HCN1: variants seen among roughly 807,000 people sequenced by gnomAD.
The protein encoded by HCN1 is hyperpolarization activated cyclic nucleotide gated potassium channel 1.
A neutral mutation model predicts 78.9 loss-of-function variants in HCN1; 13 were observed. That is an observed-to-expected ratio of 0.16 (90% confidence interval 0.11 to 0.26). The LOEUF (loss-of-function observed/expected upper bound fraction) is 0.26. Ranked by LOEUF, HCN1 falls within the 10% of genes least tolerant of loss-of-function variation. HCN1 has a pLI of 1.00. For missense variants in HCN1, 810 were observed against 1,154.3 expected (o/e 0.70, Z 4.32); for synonymous variants, 552 against 455.5 (o/e 1.21, Z -2.70).
intron 5 of HCN1, among the ~76,000 whole-genome samples, chr5:45,323,207 A>T (rs1327839169): frequency 6.6e-6 from 1 of 151,870 alleles, no homozygotes; most frequent in Non-Finnish European, 1.5e-5. Context: ...GCAAGTATTA[A>T]AATATACACC....
chr5:45,610,171 C>A (rs1308469614), intron 2 of HCN1, among the ~76,000 whole-genome samples: 1 of 151,994 alleles, frequency 6.6e-6, no homozygotes, highest in Non-Finnish European at 1.5e-5. Flanking sequence ...ATGTCCTTTC[C>A]AGAATTTAAT....
chr5:45,335,938 G>T (rs1746445093), intron 5 of HCN1, among the ~76,000 whole-genome samples: 1 of 152,056 alleles, frequency 6.6e-6, no homozygotes, highest in African/African-American at 2.4e-5. Flanking sequence ...TAATCGTGAT[G>T]TGAAATAGCC....
chr5:45,633,698 T>C (rs1745309033), intron 2 of HCN1, among the ~76,000 whole-genome samples: 1 of 151,998 alleles, frequency 6.6e-6, no homozygotes, highest in African/African-American at 2.4e-5. Context: ...GATTAAGTTC[T>C]ATATTTGATA....
At chr5:45,500,896 C>A (rs908671834) in intron 2 of HCN1, among the ~76,000 whole-genome samples, 1 of 152,160 alleles carries the variant, frequency 6.6e-6, no homozygotes, top group Non-Finnish European at 1.5e-5. Context: ...ACTAAAATTT[C>A]TAGTGACATT....
intron 5 of HCN1, among the ~76,000 whole-genome samples, chr5:45,311,365 G>T (rs1388687305): frequency 6.6e-6 from 1 of 151,988 alleles, no homozygotes; most frequent in East Asian, 1.9e-4. Flanking sequence ...CAAAAGGGTG[G>T]ATTTCAAATG....
intron 5 of HCN1, among the ~76,000 whole-genome samples, chr5:45,312,586 G>A (rs922583909): frequency 7.9e-5 from 12 of 152,210 alleles, no homozygotes; most frequent in Admixed American, 7.9e-4. Flanking sequence ...CACCCGGCAA[G>A]TGCAAGGAGT....
intron 2 of HCN1, among the ~76,000 whole-genome samples, chr5:45,527,206 G>A (rs1220526835): frequency 1.5e-5 from 2 of 137,454 alleles, no homozygotes; most frequent in Non-Finnish European, 3.2e-5. Flanking sequence ...TAGAATGCGA[G>A]GGGACTGAAG....
intron 2 of HCN1, among the ~76,000 whole-genome samples, chr5:45,579,678 T>G (rs529376034): frequency 1.3e-5 from 2 of 152,262 alleles, no homozygotes; most frequent in East Asian, 3.9e-4. Flanking sequence ...CAGAAATATT[T>G]ATACATTTTC....
intron 2 of HCN1, among the ~76,000 whole-genome samples, chr5:45,512,157 A>C (rs1331885233): frequency 6.6e-6 from 1 of 152,066 alleles, no homozygotes; most frequent in Non-Finnish European, 1.5e-5. Context: ...ACCCTATTTT[A>C]ACTCTCATAA....
At chr5:45,380,357 G>A (rs1028128701) in intron 4 of HCN1, among the ~76,000 whole-genome samples, 2 of 151,968 alleles carry the variant, frequency 1.3e-5, no homozygotes, top group African/African-American at 4.8e-5. Flanking sequence ...CAACAAAATG[G>A]GAATTAAGCT....
rs148835822 is a variant in HCN1 at position 45,628,639 on chromosome 5, A to G, written c.849+16546T>C. Among the ~76,000 whole-genome samples the G allele has an allele frequency of 1.2e-4, 19 of 152,306 alleles. No homozygotes were observed. The East Asian group carries it at 3.5e-3, about 28-fold the overall frequency. On this transcript the variant is annotated intron_variant, in intron 2 of 7. Transcript: ENST00000303230. ...GTTTGATAAATAAAAAGACTCAACT[A>G]TATATTATCTACAAAAAGCTCACTT...
At chr5:45,284,155 G>A (rs1745224688) in intron 6 of HCN1, among the ~76,000 whole-genome samples, 1 of 152,074 alleles carries the variant, frequency 6.6e-6, no homozygotes, top group Admixed American at 6.6e-5. Flanking sequence ...GAGGGTAGGA[G>A]AGAGGAACAG....
At chr5:45,513,193 T>A (rs1208052071) in intron 2 of HCN1, among the ~76,000 whole-genome samples, 1 of 152,014 alleles carries the variant, frequency 6.6e-6, no homozygotes, top group East Asian at 1.9e-4. Context: ...AAATTTAAAT[T>A]TTGCAAAAGA....
At chr5:45,459,021 T>A (rs1268191207) in intron 3 of HCN1, among the ~76,000 whole-genome samples, 1 of 152,098 alleles carries the variant, frequency 6.6e-6, no homozygotes, top group Non-Finnish European at 1.5e-5. Context: ...AAAAATAGTA[T>A]CTTCAAGGTC....
At chr5:45,632,279 TTGTGTG>T (rs139925464) in intron 2 of HCN1, among the ~76,000 whole-genome samples, 2 of 147,694 alleles carry the variant, frequency 1.4e-5, no homozygotes, top group African/African-American at 2.5e-5. Flanking sequence ...TAATGTTCCA[TTGTGTG>T]TGTGTGTGTG....
intron 2 of HCN1, among the ~76,000 whole-genome samples, chr5:45,477,957 T>C (rs1741557389): frequency 6.6e-6 from 1 of 152,134 alleles, no homozygotes; most frequent in African/African-American, 2.4e-5. Context: ...TCACTATTGG[T>C]TAAAACATAA....
intron 2 of HCN1, among the ~76,000 whole-genome samples, chr5:45,526,145 T>C (rs1211812840): frequency 6.6e-6 from 1 of 152,050 alleles, no homozygotes; most frequent in Admixed American, 6.6e-5. Context: ...GGTAATTTGT[T>C]AGAGCGGCCC....
intron 2 of HCN1, among the ~76,000 whole-genome samples, chr5:45,525,242 A>T (rs577012078): frequency 6.6e-6 from 1 of 152,090 alleles, no homozygotes; most frequent in Admixed American, 6.6e-5. Flanking sequence ...ATTGAGAAAA[A>T]AATTATTTAA....
At chr5:45,354,901 G>A (rs1040429767) in intron 4 of HCN1, among the ~76,000 whole-genome samples, 6 of 152,048 alleles carry the variant, frequency 3.9e-5, no homozygotes, top group South Asian at 4.1e-4. Context: ...AAACTTAGTA[G>A]TATTTTATTC....
Sources: allele counts gnomAD v4.1 joint callset (sites outside exome capture counted in the v4.1 genomes callset), GRCh38; gene constraint gnomAD v4.1.1; transcripts MANE v1.5; gene names NCBI Gene and HGNC (gene_info 2026-07-23, HGNC 2026-07-21).